Variants in LRMDA observed in about 807,000 individuals in gnomAD.
The protein encoded by LRMDA is leucine-rich melanocyte differentiation-associated protein.
LRMDA carries 18 observed loss-of-function variants against 29.8 expected under a neutral mutation model. The ratio of observed to expected loss-of-function variants is 0.60; its 90% CI spans 0.42 to 0.90. LRMDA has a LOEUF of 0.90. Ranked by LOEUF, LRMDA falls within the 40% of genes least tolerant of loss-of-function variation. The pLI is 0.00. For synonymous variants in LRMDA, 125 were observed against 109.4 expected, an observed-to-expected ratio of 1.14 and a Z score of -0.89; for missense variants, 273 against 273.9, an observed-to-expected ratio of 1.00 and a Z score of 0.02.
At chr10:75,982,395 G>A (rs186432020) in intron 2 of LRMDA, among the ~76,000 whole-genome samples, 47 of 152,292 alleles carry the variant, frequency 3.1e-4, no homozygotes, top group Non-Finnish European at 4.7e-4. Context: ...TTGCCTTGCA[G>A]GGTAATGCCA....
chr10:76,075,446 C>T (rs1189471490), intron 5 of LRMDA, among the ~76,000 whole-genome samples: 1 of 152,166 alleles, frequency 6.6e-6, no homozygotes, highest in Non-Finnish European at 1.5e-5. Flanking sequence ...TCTTGGACTT[C>T]CAGACTCCAG....
At chr10:76,187,210 T>C (rs1851165707) in intron 5 of LRMDA, among the ~76,000 whole-genome samples, 1 of 152,160 alleles carries the variant, frequency 6.6e-6, no homozygotes. Context: ...TGTATTTTTA[T>C]AGTGGTTTCC....
chr10:76,221,106 T>C (rs2132257864), intron 5 of LRMDA, among the ~76,000 whole-genome samples: 1 of 152,248 alleles, frequency 6.6e-6, no homozygotes, highest in Admixed American at 6.5e-5. Context: ...AAATTAGGTA[T>C]TGATGGGACG....
In LRMDA at chr10:75,655,276, A is replaced by T. The variant is rs551400967; in HGVS notation, c.131+216782A>T. ...AGTATGGAGAGCAAACAGCCTATTC[A>T]TTTTATCACCATACTTCTCTAAGGA... is the stretch of plus-strand genomic sequence containing the variant. On this transcript the variant is annotated intron_variant, in intron 2 of 6. Transcript: ENST00000611255. 9.2e-5 allele frequency among the ~76,000 whole-genome samples: 14 copies of T among 152,332 alleles called. No individual in the cohort carries two copies. In the South Asian group the frequency reaches 2.9e-3, roughly 32 times the overall value.
At chr10:76,014,869 A>G (rs77546067) in intron 2 of LRMDA, among the ~76,000 whole-genome samples, 19,714 of 152,212 alleles carry the variant, frequency 0.13, 1,698 homozygotes, top group South Asian at 0.21. Flanking sequence ...AGAGTGGCCA[A>G]CTATTAGAAG....
At chr10:76,354,745 A>G (rs934461718) in intron 6 of LRMDA, among the ~76,000 whole-genome samples, 1 of 152,204 alleles carries the variant, frequency 6.6e-6, no homozygotes, top group Non-Finnish European at 1.5e-5. Context: ...TGATACACGC[A>G]TATAATGTGT....
chr10:76,201,387 C>T (rs939530836), intron 5 of LRMDA, among the ~76,000 whole-genome samples: 27 of 152,180 alleles, frequency 1.8e-4, no homozygotes, highest in African/African-American at 4.8e-4. Flanking sequence ...GCCCCACGCC[C>T]GGAGTGGCCC....
intron 6 of LRMDA, among the ~76,000 whole-genome samples, chr10:76,437,991 G>A (rs1363359892): frequency 1.3e-5 from 2 of 152,190 alleles, no homozygotes; most frequent in African/African-American, 4.8e-5. Flanking sequence ...CACTCACCTA[G>A]TCAGCGGCAA....
chr10:75,553,983 C>T (rs1021791496), intron 2 of LRMDA, among the ~76,000 whole-genome samples: 14 of 152,012 alleles, frequency 9.2e-5, no homozygotes, highest in Non-Finnish European at 1.3e-4. Context: ...AAAATGTTAG[C>T]TGTTTTCTTT....
At chr10:75,907,546 A>G (rs1318567152) in intron 2 of LRMDA, among the ~76,000 whole-genome samples, 1 of 152,194 alleles carries the variant, frequency 6.6e-6, no homozygotes, top group African/African-American at 2.4e-5. Context: ...CTCTGTGACA[A>G]ACAAGGGTTT....
chr10:76,330,698 G>A (rs557222440), intron 6 of LRMDA, among the ~76,000 whole-genome samples: 237 of 152,270 alleles, frequency 1.6e-3, no homozygotes, highest in Non-Finnish European at 2.5e-3. Flanking sequence ...AAAGCACTCA[G>A]CACGTCAAGG....
chr10:75,925,608 G>GGTGGCAGTGGTGGTGGTA, intron 2 of LRMDA, among the ~76,000 whole-genome samples: 1 of 149,110 alleles, frequency 6.7e-6, no homozygotes, highest in South Asian at 2.2e-4. Flanking sequence ...GGAAGAAGGT[G>GGTGGCAGTGGTGGTGGTA]ATGGTGGCAG....
chr10:75,851,129 T>C (rs1390973444), intron 2 of LRMDA, among the ~76,000 whole-genome samples: 1 of 152,220 alleles, frequency 6.6e-6, no homozygotes, highest in Non-Finnish European at 1.5e-5. Flanking sequence ...TGTGATCCAT[T>C]ATCTTGTGTC....
chr10:75,932,809 T>C (rs1328622969), intron 2 of LRMDA, among the ~76,000 whole-genome samples: 7 of 152,326 alleles, frequency 4.6e-5, no homozygotes, highest in African/African-American at 1.7e-4. Flanking sequence ...TGAATTTTGC[T>C]CATTAAGTAA....
chr10:76,413,864 G>A (rs1304590724), intron 6 of LRMDA, among the ~76,000 whole-genome samples: 4 of 152,084 alleles, frequency 2.6e-5, no homozygotes, highest in Non-Finnish European at 5.9e-5. Context: ...GCACTTGCCT[G>A]GTAAAGAAAA....
At chr10:76,455,756 G>A (rs1842450779) in intron 6 of LRMDA, among the ~76,000 whole-genome samples, 1 of 152,108 alleles carries the variant, frequency 6.6e-6, no homozygotes, top group Non-Finnish European at 1.5e-5. Flanking sequence ...AGTGGCAGGG[G>A]ATCAGAGGGT....
intron 2 of LRMDA, among the ~76,000 whole-genome samples, chr10:75,941,672 A>T (rs1846394402): frequency 6.6e-6 from 1 of 152,168 alleles, no homozygotes; most frequent in Non-Finnish European, 1.5e-5. Context: ...GCCACCTGGA[A>T]TGTAGAGTAT....
intron 6 of LRMDA, among the ~76,000 whole-genome samples, chr10:76,486,301 C>A (rs1403839771): frequency 1.3e-5 from 2 of 151,934 alleles, no homozygotes. Flanking sequence ...ACAGCCTTTT[C>A]TATATTCCCT....
chr10:75,778,999 CATTT>C, intron 2 of LRMDA, among the ~76,000 whole-genome samples: 1 of 152,172 alleles, frequency 6.6e-6, no homozygotes, highest in South Asian at 2.1e-4. Flanking sequence ...TGTCTAGTAT[CATTT>C]AATCCTCCCA....
Sources: allele counts gnomAD v4.1 joint callset (sites outside exome capture counted in the v4.1 genomes callset), GRCh38; gene constraint gnomAD v4.1.1; transcripts MANE v1.5; gene names NCBI Gene and HGNC (gene_info 2026-07-23, HGNC 2026-07-21).